The following SLC30A9 variants were observed in gnomAD, a reference collection of about 807,000 sequenced individuals.
The protein encoded by SLC30A9 is proton-coupled zinc antiporter SLC30A9, mitochondrial.
Under a neutral mutation model 87.5 loss-of-function variants are expected in SLC30A9, and 58 were observed. The ratio of observed to expected loss-of-function variants is 0.66; its 90% CI spans 0.54 to 0.82. SLC30A9 has a LOEUF of 0.82. SLC30A9 is among the 40% of genes least tolerant of loss of function. The probability of loss-of-function intolerance (pLI) is 0.00; values close to 1 mark genes in which losing one functional copy is unlikely to be tolerated. For missense variants in SLC30A9, 557 were observed against 679.1 expected, an observed-to-expected ratio of 0.82 and a Z score of 2.00; for synonymous variants, 234 against 233.0, an observed-to-expected ratio of 1.00 and a Z score of -0.04.
intron 9 of SLC30A9, 38 bp downstream of exon 9, chr4:42,049,517 G>A: frequency 4.6e-6 from 5 of 1,095,520 alleles, no homozygotes; most frequent in Non-Finnish European, 6.7e-6. Flanking sequence ...CAATTTTAAA[G>A]TAATAGTTGT....
At chr4:42,064,588 A>G (rs1718007819) in intron 11 of SLC30A9, among the ~76,000 whole-genome samples, 1 of 152,118 alleles carries the variant, frequency 6.6e-6, no homozygotes, top group Non-Finnish European at 1.5e-5. Flanking sequence ...TGGGTACTTC[A>G]TTGTTCTAGC....
intron 6 of SLC30A9, among the ~76,000 whole-genome samples, chr4:42,028,313 G>T (rs1716275062): frequency 6.6e-6 from 1 of 152,120 alleles, no homozygotes; most frequent in South Asian, 2.1e-4. Context: ...TAGAGATGGG[G>T]TTTCACCATG....
At chr4:42,017,349 C>T (rs1294390062) in intron 2 of SLC30A9, among the ~76,000 whole-genome samples, 1 of 142,074 alleles carries the variant, frequency 7.0e-6, no homozygotes, top group African/African-American at 2.5e-5. Context: ...TATCTTCTCT[C>T]AGTTTGCGGC....
At chr4:42,082,324 C>T (rs1460101402) in intron 17 of SLC30A9, among the ~76,000 whole-genome samples, 1 of 152,138 alleles carries the variant, frequency 6.6e-6, no homozygotes, top group Non-Finnish European at 1.5e-5. Context: ...AAAGGGAATG[C>T]ATGAATGTAA....
Position 42,018,106 on chromosome 4 carries a change from T to C in SLC30A9, c.275-5T>C, listed in dbSNP as rs531819945. The C allele has an allele frequency of 5.7e-5, 86 of 1,510,052 alleles. No individual in the cohort carries two copies. In the South Asian group the frequency reaches 8.4e-4, roughly 15 times the overall value. The allele number at this position is 1,510,052 out of a possible 1,614,324, so 93.5% of individuals were successfully genotyped here. On this transcript the variant is annotated splice_region_variant and splice_polypyrimidine_tract_variant and intron_variant, in intron 2 of 17. Coordinates refer to ENST00000264451, the MANE Select transcript of SLC30A9 (RefSeq NM_006345.4). ...AATGTAAACTTCTTTTAATAAACTT[T>C]ACAGCAGAAGGTATAGGCACAGAAC...
At chr4:41,994,168 A>AAG (rs74342290) in intron 1 of SLC30A9, among the ~76,000 whole-genome samples, 140 of 151,530 alleles carry the variant, frequency 9.2e-4, no homozygotes, top group African/African-American at 2.3e-3. Context: ...AAGAAAAAAA[A>AAG]AAGTTATAAT....
At chr4:42,075,032 TATATATATATATATATATATA>T (rs1718466990) in intron 15 of SLC30A9, among the ~76,000 whole-genome samples, 7 of 6,256 alleles carry the variant, frequency 1.1e-3, no homozygotes, top group Non-Finnish European at 2.3e-3. Flanking sequence ...TATATATATA[TATATATATATATATATATATA>T]TATATATTTT....
rs541356579 is a variant in SLC30A9, at chr4:41,993,504, A to G, written c.109+2744A>G. Among the ~76,000 whole-genome samples the G allele has an allele frequency of 8.5e-5, 13 of 152,354 alleles. 1 individual carries two copies. In the South Asian group the frequency reaches 2.5e-3, roughly 29 times the overall value. On this transcript the variant is annotated intron_variant, in intron 1 of 17. Transcript: ENST00000264451. ...GTTCATAAAGTTGTTCAAGTGGCCA[A>G]TAAAAATGCAAAAATGTTCCATACT...
At chr4:42,060,086 A>G (rs919719705) in intron 9 of SLC30A9, 105 bp from the exon 10 acceptor site, 1 of 818,612 alleles carries the variant, frequency 1.2e-6, no homozygotes, top group African/African-American at 1.7e-5. Flanking sequence ...GCATATGTTG[A>G]GTGTTTCTTT....
At position 42,023,355 on chromosome 4, in the gene SLC30A9, G is replaced by A. The variant is rs144935504; in HGVS notation, c.581G>A (p.Arg194His). ...PEALAREKKL[R>H]KEAEIEYRER... ...GCTCTTGCCAGAGAGAAAAAATTGC[G>A]TAAGGAAGCAGAAATAGAATACAGA... is the stretch of plus-strand genomic sequence containing the variant. The change falls in exon 6 of 18, where the codon CGT becomes CAT. Residue 194 changes from arginine (R) to histidine (H), a missense_variant. This residue lies in a region of SLC30A9 where 467 missense variants were observed against 529.8 expected (regional missense o/e 0.88). Coordinates refer to ENST00000264451, the MANE Select transcript of SLC30A9 (RefSeq NM_006345.4). The A allele has an allele frequency of 2.5e-4, 398 of 1,612,492 alleles. No individual in the cohort carries two copies. The highest frequency in any genetic ancestry group is 3.1e-4 in the Non-Finnish European group (366 of 1,178,536).
chr4:42,018,917 A>G (rs1715824747), intron 3 of SLC30A9, among the ~76,000 whole-genome samples: 2 of 151,892 alleles, frequency 1.3e-5, no homozygotes, highest in African/African-American at 4.8e-5. Context: ...TTTTTTAGCT[A>G]TTTGGAAGAA....
intron 16 of SLC30A9, among the ~76,000 whole-genome samples, chr4:42,076,771 G>T (rs1279808171): frequency 1.3e-5 from 2 of 151,944 alleles, no homozygotes; most frequent in African/African-American, 4.8e-5. Flanking sequence ...ATCCCATCCT[G>T]GCCCACATGG....
At chr4:42,020,267 T>G (rs1469885762) in intron 3 of SLC30A9, 149 bp from the exon 4 acceptor site, 2 of 546,696 alleles carry the variant, frequency 3.7e-6, no homozygotes, top group Non-Finnish European at 6.4e-6. Context: ...ATTCTGCACT[T>G]GGATAATTTT....
intron 6 of SLC30A9, chr4:42,029,170 C>T: frequency 5.5e-6 from 2 of 364,854 alleles, no homozygotes; most frequent in Admixed American, 3.9e-5. Flanking sequence ...CGAAGCCACC[C>T]ACCCTTCCGA....
intron 5 of SLC30A9, 32 bp downstream of exon 5, chr4:42,022,962 C>A: frequency 2.3e-6 from 3 of 1,325,180 alleles, no homozygotes; most frequent in Non-Finnish European, 3.1e-6. Context: ...AATAAAAGTG[C>A]AAACCAAATT....
intron 8 of SLC30A9, among the ~76,000 whole-genome samples, chr4:42,042,192 G>A (rs913999742): frequency 3.3e-5 from 5 of 152,218 alleles, no homozygotes; most frequent in Non-Finnish European, 7.4e-5. Context: ...GTGGTGCCTC[G>A]AATGCCAGTG....
At chr4:42,052,684 A>G (rs1717424837) in intron 9 of SLC30A9, among the ~76,000 whole-genome samples, 2 of 152,234 alleles carry the variant, frequency 1.3e-5, no homozygotes, top group African/African-American at 2.4e-5. Context: ...TTGGATCCAT[A>G]TGGGGAGAAA....
intron 8 of SLC30A9, among the ~76,000 whole-genome samples, chr4:42,043,889 G>A (rs1717025732): frequency 6.6e-6 from 1 of 152,196 alleles, no homozygotes. Context: ...AACCCTACAA[G>A]CCAGAAGAGA....
chr4:42,029,516 A>G, intron 6 of SLC30A9: 2 of 678,390 alleles, frequency 2.9e-6, no homozygotes, highest in East Asian at 2.6e-5. Context: ...TGTGAGGCAT[A>G]TGTGCTGAAC....
Sources: gnomAD v4.1 joint callset for allele counts (sites outside exome capture counted in the v4.1 genomes callset) on GRCh38, gnomAD v4.1.1 for gene constraint, gnomAD v4.1.1 regional missense constraint, MANE v1.5 for transcripts, NCBI Gene and HGNC (gene_info 2026-07-23, HGNC 2026-07-21) for gene names.